RFTN1: variants seen among roughly 807,000 people sequenced by gnomAD.
RFTN1 encodes the protein raftlin, lipid raft linker 1, also known as raftlin.
In RFTN1, 26 loss-of-function variants were observed where a neutral mutation model predicts 46.5. That is an observed-to-expected ratio of 0.56 (90% CI 0.41 to 0.78). The LOEUF (loss-of-function observed/expected upper bound fraction) is 0.78. RFTN1 is among the 30% of genes least tolerant of loss of function. The probability of loss-of-function intolerance (pLI) is 0.00; values close to 1 mark genes in which losing one functional copy is unlikely to be tolerated. For missense variants in RFTN1, 693 were observed against 718.7 expected (o/e 0.96, Z 0.41); for synonymous variants, 261 against 284.2 (o/e 0.92, Z 0.82).
chr3:16,332,167 A>G (rs924888248), intron 7 of RFTN1, among the ~76,000 whole-genome samples: 2 of 152,008 alleles, frequency 1.3e-5, no homozygotes, highest in African/African-American at 4.8e-5. Context: ...AGTTCTGAAA[A>G]ATGTATTTTT....
chr3:16,365,357 C>T (rs1244028840), intron 6 of RFTN1, among the ~76,000 whole-genome samples: 4 of 150,602 alleles, frequency 2.7e-5, no homozygotes, highest in African/African-American at 9.8e-5. Flanking sequence ...CTGAATACAG[C>T]ACTGTGATGT....
rs1201089268 is a variant in RFTN1 at position 16,479,557 on chromosome 3, C to G, written c.145+14168G>C. The stretch of plus-strand genomic sequence containing the variant: ...CAGCCTGGGCTATTAGAAACAGCAT[C>G]AGTAACTTTTCTTTCACACACTTCA... On this transcript the variant is annotated intron_variant, in intron 2 of 9. Transcript: ENST00000334133. This position sits in a 1 kb window ranked among gnomAD's most constrained non-coding sequence, Gnocchi z 5.1. 1.3e-5 allele frequency among the ~76,000 whole-genome samples: 2 copies of G among 152,222 alleles called. No individual in the cohort carries two copies. Among genetic ancestry groups the G allele is most frequent in the South Asian group, 2.1e-4 (1 of 4,824 alleles).
At chr3:16,508,974 C>G (rs1446024074) in intron 1 of RFTN1, among the ~76,000 whole-genome samples, 1 of 152,182 alleles carries the variant, frequency 6.6e-6, no homozygotes, top group African/African-American at 2.4e-5. Flanking sequence ...GACGGAAGGA[C>G]TGAATTTTAA....
rs1216128038 is a variant in RFTN1 at position 16,380,608 on chromosome 3, C to T, written c.442-2506G>A. Among the ~76,000 whole-genome samples the T allele has an allele frequency of 6.6e-6, 1 of 152,184 alleles. No individual in the cohort carries two copies. The highest frequency in any genetic ancestry group is 1.5e-5 in the Non-Finnish European group (1 of 68,036). ...GGGCCCCAGACCAGAGCATCAGCATCCCCTGGGAACCTGTTAGAAATGCAA... is the reference window on the plus strand; with the variant it reads ...GGGCCCCAGACCAGAGCATCAGCATTCCCTGGGAACCTGTTAGAAATGCAA... On this transcript the variant is annotated intron_variant, in intron 4 of 9. Coordinates refer to ENST00000334133, the MANE Select transcript of RFTN1 (RefSeq NM_015150.2). This position sits in a 1 kb window ranked among gnomAD's most constrained non-coding sequence, Gnocchi z 4.8.
chr3:16,411,285 G>T (rs1010091216), intron 3 of RFTN1, among the ~76,000 whole-genome samples: 1 of 152,098 alleles, frequency 6.6e-6, no homozygotes, highest in Non-Finnish European at 1.5e-5. Flanking sequence ...AAATTTCTAA[G>T]ATTCTTATAT....
intron 4 of RFTN1, among the ~76,000 whole-genome samples, chr3:16,386,060 T>C (rs2074161112): frequency 2.0e-5 from 3 of 152,250 alleles, no homozygotes; most frequent in African/African-American, 4.8e-5. Context: ...AAAGAGACTT[T>C]CGTCATAGTC....
chr3:16,392,312 CT>C (rs2074371496), intron 4 of RFTN1, among the ~76,000 whole-genome samples: 2 of 152,148 alleles, frequency 1.3e-5, no homozygotes, highest in African/African-American at 4.8e-5. Flanking sequence ...AGCAGGCAGC[CT>C]AACTGCCTGC....
chr3:16,333,892 G>C (rs140899009), intron 7 of RFTN1, among the ~76,000 whole-genome samples: 1,744 of 152,200 alleles, frequency 0.011, 81 homozygotes, highest in East Asian at 0.1. Flanking sequence ...CCAGCCGGGC[G>C]TGGTGGCTCA....
rs930461397 is a variant in RFTN1 at position 16,374,253 on chromosome 3, A to T, written c.826+3465T>A. On this transcript the variant is annotated intron_variant, in intron 5 of 9. Coordinates refer to ENST00000334133, the MANE Select transcript of RFTN1 (RefSeq NM_015150.2). The surrounding 1 kb of genome is among the most constrained non-coding windows in gnomAD (Gnocchi z 5.4). ...ACAGCCAAGAGTCTTTCAAACCCCA[A>T]ACCCTGGGCTCTTTCCCAAATCTAA... 6.6e-6 allele frequency among the ~76,000 whole-genome samples: 1 copy of T among 152,198 alleles called. No homozygotes were observed. Among genetic ancestry groups the T allele is most frequent in the Admixed American group, 6.5e-5 (1 of 15,286 alleles).
Position 16,481,794 on chromosome 3 carries a change from C to A in RFTN1, c.145+11931G>T, listed in dbSNP as rs777558014. ...CAGAAGTCAATGTTACCTAGAGGAG[C>A]AAGGAGCGATTTTCTAGGAAAGAAA... On this transcript the variant is annotated intron_variant, in intron 2 of 9. Coordinates refer to ENST00000334133, the MANE Select transcript of RFTN1 (RefSeq NM_015150.2). This position sits in a 1 kb window ranked among gnomAD's most constrained non-coding sequence, Gnocchi z 5.1. Among the ~76,000 whole-genome samples, 3 of 152,134 alleles carry A rather than the reference C, an allele frequency of 2.0e-5. No individual in the cohort carries two copies. Among genetic ancestry groups the A allele is most frequent in the Non-Finnish European group, 4.4e-5 (3 of 68,036 alleles).
rs565133366 is a variant in RFTN1, at chr3:16,380,306, G to A, written c.442-2204C>T. Among the ~76,000 whole-genome samples the A allele has an allele frequency of 5.9e-5, 9 of 152,284 alleles. No individual in the cohort carries two copies. The highest frequency in any genetic ancestry group is 1.9e-4 in the African/African-American group (8 of 41,564). The stretch of plus-strand genomic sequence containing the variant: ...TTTAGACATTACATATGGCAAGTGC[G>A]CCAAAGGATGGGGCACAAAGACGGT... On this transcript the variant is annotated intron_variant, in intron 4 of 9. Coordinates refer to ENST00000334133, the MANE Select transcript of RFTN1 (RefSeq NM_015150.2). The surrounding 1 kb of genome is among the most constrained non-coding windows in gnomAD (Gnocchi z 4.8).
rs1439167330 is a variant in RFTN1, at chr3:16,468,661, G to GA, written c.145+25063dup. On this transcript the variant is annotated intron_variant, in intron 2 of 9. Coordinates refer to ENST00000334133, the MANE Select transcript of RFTN1 (RefSeq NM_015150.2). This position sits in a 1 kb window ranked among gnomAD's most constrained non-coding sequence, Gnocchi z 4.4. ...AAAAAAAAAAAAAAAACTTTACTCA[G>GA]AAAAAAGATAAGGCTAAAATCAGAT... is the stretch of plus-strand genomic sequence containing the variant. 2.8e-5 allele frequency among the ~76,000 whole-genome samples: 4 copies of GA among 143,454 alleles called. No individual in the cohort carries two copies. Among genetic ancestry groups the GA allele is most frequent in the Non-Finnish European group, 6.1e-5 (4 of 65,542 alleles). The allele number at this position is 143,454 out of a possible 152,430, so 94.1% of individuals were successfully genotyped here.
At position 16,400,617 on chromosome 3, in the gene RFTN1, C is replaced by T. The variant is rs1033496119; in HGVS notation, c.441+8758G>A. Reference sequence around the variant, plus strand: ...CCACTGATGCTGGACAGTAGATTCCCGCAGAGGGAGAAAATGAAGCACAAG... The same window carrying T: ...CCACTGATGCTGGACAGTAGATTCCTGCAGAGGGAGAAAATGAAGCACAAG... On this transcript the variant is annotated intron_variant, in intron 4 of 9. Transcript: ENST00000334133. This position sits in a 1 kb window ranked among gnomAD's most constrained non-coding sequence, Gnocchi z 4.5. Among the ~76,000 whole-genome samples, 1 of 152,184 alleles carries T rather than the reference C, an allele frequency of 6.6e-6. No individual in the cohort carries two copies. The highest frequency in any genetic ancestry group is 1.5e-5 in the Non-Finnish European group (1 of 68,034).
Position 16,410,825 on chromosome 3 carries a change from G to A in RFTN1, c.333-1342C>T, listed in dbSNP as rs2074969124. ...CATTCAGGAGAGCCAGCAGCAAGTG[G>A]TCACCAGGAGGAAATTCCACCACTT... On this transcript the variant is annotated intron_variant, in intron 3 of 9. Coordinates refer to ENST00000334133, the MANE Select transcript of RFTN1 (RefSeq NM_015150.2). The surrounding 1 kb of genome is among the most constrained non-coding windows in gnomAD (Gnocchi z 4.6). Among the ~76,000 whole-genome samples the A allele has an allele frequency of 6.6e-6, 1 of 152,198 alleles. No homozygotes were observed. Among genetic ancestry groups the A allele is most frequent in the African/African-American group, 2.4e-5 (1 of 41,438 alleles).
At position 16,475,258 on chromosome 3, in the gene RFTN1, T is replaced by G. The variant is rs746617760; in HGVS notation, c.145+18467A>C. ...TCATAATCCAAATAAACTTTTTTTCTTTATAAATTGCCCAGTTTCAAGTAT... is the reference window on the plus strand; with the variant it reads ...TCATAATCCAAATAAACTTTTTTTCGTTATAAATTGCCCAGTTTCAAGTAT... On this transcript the variant is annotated intron_variant, in intron 2 of 9. Coordinates refer to ENST00000334133, the MANE Select transcript of RFTN1 (RefSeq NM_015150.2). The surrounding 1 kb of genome is among the most constrained non-coding windows in gnomAD (Gnocchi z 4.2). 3.3e-5 allele frequency among the ~76,000 whole-genome samples: 5 copies of G among 152,204 alleles called. No individual in the cohort carries two copies. Among genetic ancestry groups the G allele is most frequent in the Non-Finnish European group, 2.9e-5 (2 of 68,044 alleles).
rs75936201 is a variant in RFTN1 at position 16,320,473 on chromosome 3, A to T, written c.1332+2903T>A. The stretch of plus-strand genomic sequence containing the variant: ...TTCGACAAGTATCTGTTGAGCACCA[A>T]CTAAAATCTGGGTACACAACACAGG... On this transcript the variant is annotated intron_variant, in intron 9 of 9. Transcript: ENST00000334133. This position sits in a 1 kb window ranked among gnomAD's most constrained non-coding sequence, Gnocchi z 4.5. Among the ~76,000 whole-genome samples, 441 of 152,342 alleles carry T rather than the reference A, an allele frequency of 2.9e-3. 4 individuals are homozygous for T. Among genetic ancestry groups the T allele is most frequent in the African/African-American group, 0.01 (432 of 41,578 alleles).
chr3:16,331,411 CA>C (rs2070298186), intron 7 of RFTN1, among the ~76,000 whole-genome samples: 1 of 152,148 alleles, frequency 6.6e-6, no homozygotes, highest in Non-Finnish European at 1.5e-5. Flanking sequence ...TAAAGTAAAT[CA>C]AAAGTCAATG....
rs2076067733 is a variant in RFTN1, at chr3:16,465,169, T to G, written c.145+28556A>C. ...GGAATTTTGGCAGTCACCTTGGAAA[T>G]CTGCTAAAACAAATAATGGAAGGCA... On this transcript the variant is annotated intron_variant, in intron 2 of 9. Transcript: ENST00000334133. The surrounding 1 kb of genome is among the most constrained non-coding windows in gnomAD (Gnocchi z 5.1). Among the ~76,000 whole-genome samples, 1 of 150,690 alleles carries G rather than the reference T, an allele frequency of 6.6e-6. No homozygotes were observed. The highest frequency in any genetic ancestry group is 1.5e-5 in the Non-Finnish European group (1 of 67,834).
At chr3:16,331,292 A>G (rs2070284198) in intron 7 of RFTN1, among the ~76,000 whole-genome samples, 1 of 152,224 alleles carries the variant, frequency 6.6e-6, no homozygotes, top group East Asian at 1.9e-4. Context: ...TATTTTACTT[A>G]TCAGTTTTAG....
Sources: gnomAD v4.1 joint callset for allele counts (sites outside exome capture counted in the v4.1 genomes callset) on GRCh38, gnomAD v4.1.1 for gene constraint, Gnocchi (gnomAD v3.1) non-coding constraint, MANE v1.5 for transcripts, NCBI Gene and HGNC (gene_info 2026-07-23, HGNC 2026-07-21) for gene names.